Variants in EVC2 observed in about 807,000 individuals in gnomAD.
EVC2 encodes the protein limbin.
A neutral mutation model predicts 149.3 loss-of-function variants in EVC2; 148 were observed. The observed-to-expected ratio is 0.99, with a 90% CI of 0.87 to 1.14. EVC2 has a LOEUF of 1.14. Ranked by LOEUF, EVC2 falls within the 50% of genes most tolerant of loss-of-function variation. The probability of loss-of-function intolerance (pLI) is 0.00; values close to 1 mark genes in which losing one functional copy is unlikely to be tolerated. For missense variants in EVC2, 1,854 were observed against 1,627.3 expected (o/e 1.14, Z -2.40); for synonymous variants, 776 against 649.9 (o/e 1.19, Z -2.95).
chr4:5,572,547 GC>G (rs1246511886), intron 19 of EVC2, among the ~76,000 whole-genome samples: 3 of 152,164 alleles, frequency 2.0e-5, no homozygotes, highest in Non-Finnish European at 4.4e-5. Flanking sequence ...GAAGCAGAGA[GC>G]AGTTCTCACC....
chr4:5,578,471 A>C (rs1481818681), intron 17 of EVC2, among the ~76,000 whole-genome samples: 1 of 152,208 alleles, frequency 6.6e-6, no homozygotes, highest in African/African-American at 2.4e-5. Flanking sequence ...CTGAGGCAAG[A>C]GAGTATAACG....
chr4:5,633,830 C>T lies in EVC2; in HGVS notation c.1471-1798G>A, dbSNP rs1577186068. ...GTTTCAGTAAATAGCATCACTTGCT[C>T]CCCAATTTCCCAAGTCACAGACCTG... On this transcript the variant is annotated intron_variant, in intron 10 of 21. Coordinates refer to ENST00000344408, the MANE Select transcript of EVC2 (RefSeq NM_147127.5). The surrounding 1 kb of genome is among the most constrained non-coding windows in gnomAD (Gnocchi z 4.4). Among the ~76,000 whole-genome samples, 1 of 152,218 alleles carries T rather than the reference C, an allele frequency of 6.6e-6. No individual in the cohort carries two copies. Among genetic ancestry groups the T allele is most frequent in the South Asian group, 2.1e-4 (1 of 4,826 alleles).
At chr4:5,548,242 G>A (rs1721658566) in intron 21 of EVC2, among the ~76,000 whole-genome samples, 1 of 152,000 alleles carries the variant, frequency 6.6e-6, no homozygotes, top group African/African-American at 2.4e-5. Flanking sequence ...CAAAACTTGG[G>A]CAAAGGTGCC....
chr4:5,595,332 C>T (rs1301255587), intron 16 of EVC2, among the ~76,000 whole-genome samples: 1 of 152,192 alleles, frequency 6.6e-6, no homozygotes, highest in African/African-American at 2.4e-5. Context: ...GGTCGGGTTA[C>T]CCTCAAAGGG....
In EVC2 at chr4:5,569,451, C is replaced by T. The variant is rs1722516338; in HGVS notation, c.3361-811G>A. Reference sequence around the variant, plus strand: ...GAAAATTGAGTGAAACTCTCTGAAACTCTATACTAGCTTTGTAACTTCTTG... The same window carrying T: ...GAAAATTGAGTGAAACTCTCTGAAATTCTATACTAGCTTTGTAACTTCTTG... On this transcript the variant is annotated intron_variant, in intron 19 of 21. Coordinates refer to ENST00000344408, the MANE Select transcript of EVC2 (RefSeq NM_147127.5). This position sits in a 1 kb window ranked among gnomAD's most constrained non-coding sequence, Gnocchi z 4.8. Among the ~76,000 whole-genome samples the T allele has an allele frequency of 6.6e-6, 1 of 152,198 alleles. No homozygotes were observed. Among genetic ancestry groups the T allele is most frequent in the Non-Finnish European group, 1.5e-5 (1 of 68,030 alleles).
Position 5,623,287 on chromosome 4 carries a change from C to A in EVC2, c.2047-296G>T, listed in dbSNP as rs150863829. On this transcript the variant is annotated intron_variant, in intron 13 of 21. Transcript: ENST00000344408. ...AAGTAGCTGCAATTACGGGCACGTG[C>A]GCCATGATGCCAGGCTAACTTTTTA... Among the ~76,000 whole-genome samples the A allele has an allele frequency of 2.1e-3, 325 of 151,980 alleles. 3 individuals carry two copies. In the East Asian group the frequency reaches 0.035, roughly 16 times the overall value.
At chr4:5,609,723 T>A (rs1279157112) in intron 16 of EVC2, among the ~76,000 whole-genome samples, 2 of 152,128 alleles carry the variant, frequency 1.3e-5, no homozygotes, top group Non-Finnish European at 2.9e-5. Context: ...TGTGAAACCA[T>A]GGGAAATAAC....
chr4:5,677,619 G>A lies in EVC2; in HGVS notation c.870+3641C>T, dbSNP rs1720079728. 6.6e-6 allele frequency among the ~76,000 whole-genome samples: 1 copy of A among 152,234 alleles called. No homozygotes were observed. ...AGTGAGCCTGCGGCATCGGGGAAGA[G>A]CTCAGAAATACCCTTACATGAGCAT... On this transcript the variant is annotated intron_variant, in intron 7 of 21. Transcript: ENST00000344408. This position sits in a 1 kb window ranked among gnomAD's most constrained non-coding sequence, Gnocchi z 4.3.
At chr4:5,565,442 G>A (rs887972273) in intron 20 of EVC2, 83 bp from the exon 21 acceptor site, 34 of 1,303,940 alleles carry the variant, frequency 2.6e-5, no homozygotes, top group Middle Eastern at 1.9e-4. Flanking sequence ...AGGCAGAGGC[G>A]GGCAGATCAC....
chr4:5,644,612 T>C (rs1266361582), intron 9 of EVC2, among the ~76,000 whole-genome samples: 2 of 152,210 alleles, frequency 1.3e-5, no homozygotes, highest in Admixed American at 1.3e-4. Context: ...CACCATCTTT[T>C]CTTTAAGCGT....
chr4:5,640,948 GTCTTCCTTT>G lies in EVC2; in HGVS notation c.1146-119_1146-111del. 7.8e-7 allele frequency: 1 copy of G among 1,281,998 alleles called. No individual in the cohort carries two copies. The allele number at this position is 1,281,998 out of a possible 1,614,324, so 79.4% of individuals were successfully genotyped here. On this transcript the variant is annotated intron_variant, in intron 9 of 21. Transcript: ENST00000344408. This position sits in a 1 kb window ranked among gnomAD's most constrained non-coding sequence, Gnocchi z 4.6. The stretch of plus-strand genomic sequence containing the variant: ...TTATGTGTAGGCAAGGGCTTTCTTC[GTCTTCCTTT>G]TCTTCCTTTCCCCGCTCACTTCTGC...
Position 5,697,640 on chromosome 4 carries a change from G to C in EVC2, c.236C>G (p.Pro79Arg). 2 of 1,613,898 alleles carry C rather than the reference G, an allele frequency of 1.2e-6. No homozygotes were observed. Among genetic ancestry groups the C allele is most frequent in the Non-Finnish European group, 1.7e-6 (2 of 1,179,958 alleles). ...TTCCACTTTGGGCCAAATCATACAG[G>C]GCAAGTCCTAAAAAATTCAAGACAC... ...AGPESSTQDLPCMIWPKVECC... is the reference protein window; with the variant it reads ...AGPESSTQDLRCMIWPKVECC... The change falls in exon 2 of 22, where the codon CCC becomes CGC. Residue 79 changes from proline to arginine, a missense_variant. Pro to Arg is a moderately radical substitution (Grantham distance 103). Transcript: ENST00000344408.
At chr4:5,607,144 T>C (rs912920145) in intron 16 of EVC2, among the ~76,000 whole-genome samples, 2 of 152,132 alleles carry the variant, frequency 1.3e-5, no homozygotes, top group African/African-American at 2.4e-5. Flanking sequence ...GGTCACCATA[T>C]GATTTCTCTC....
At chr4:5,581,496 C>T (rs1055706299) in intron 17 of EVC2, among the ~76,000 whole-genome samples, 2 of 152,220 alleles carry the variant, frequency 1.3e-5, no homozygotes, top group Non-Finnish European at 2.9e-5. Context: ...CATTGTGCCC[C>T]TACTCTAGAG....
intron 16 of EVC2, among the ~76,000 whole-genome samples, chr4:5,593,819 A>C (rs891974501): frequency 6.6e-6 from 1 of 152,136 alleles, no homozygotes; most frequent in African/African-American, 2.4e-5. Context: ...TTCCTAGTCA[A>C]AGAAAGGGGT....
intron 2 of EVC2, 74 bp downstream of exon 2, chr4:5,697,519 G>A (rs1290493873): frequency 4.2e-6 from 6 of 1,439,450 alleles, no homozygotes; most frequent in Non-Finnish European, 5.9e-6. Context: ...TGAGGGAGCT[G>A]GAGGAAGGAG....
intron 10 of EVC2, among the ~76,000 whole-genome samples, chr4:5,635,163 A>C (rs996179333): frequency 1.7e-4 from 25 of 148,520 alleles, no homozygotes; most frequent in African/African-American, 6.2e-4. Context: ...CAGCCTCCCA[A>C]GCGGCTGGGA....
At chr4:5,628,306 A>T (rs542224575) in intron 12 of EVC2, among the ~76,000 whole-genome samples, 1 of 151,834 alleles carries the variant, frequency 6.6e-6, no homozygotes, top group South Asian at 2.1e-4. Flanking sequence ...GATTAATGCC[A>T]TTTCTGTGTT....
At chr4:5,553,066 G>A (rs948661631) in intron 21 of EVC2, among the ~76,000 whole-genome samples, 1 of 152,170 alleles carries the variant, frequency 6.6e-6, no homozygotes, top group Non-Finnish European at 1.5e-5. Context: ...AAATACCCGA[G>A]ACTGGGTAAT....
Sources: gnomAD v4.1 joint callset for allele counts (sites outside exome capture counted in the v4.1 genomes callset) on GRCh38, gnomAD v4.1.1 for gene constraint, Gnocchi (gnomAD v3.1) non-coding constraint, MANE v1.5 for transcripts, NCBI Gene and HGNC (gene_info 2026-07-23, HGNC 2026-07-21) for gene names.